NOS1: variants seen among roughly 807,000 people sequenced by gnomAD.
NOS1 encodes the protein nitric oxide synthase 1, also known as NOS type I.
In NOS1, 51 loss-of-function variants were observed where a neutral mutation model predicts 164.5. The observed-to-expected ratio is 0.31, with a 90% CI of 0.25 to 0.39. The LOEUF is 0.39. Ranked by LOEUF, NOS1 falls within the 10% of genes least tolerant of loss-of-function variation. The probability of loss-of-function intolerance (pLI) is 1.00; values close to 1 mark genes in which losing one functional copy is unlikely to be tolerated. For missense variants in NOS1, 1,362 were observed against 1,885.6 expected, an observed-to-expected ratio of 0.72 and a Z score of 5.14; for synonymous variants, 719 against 745.8, an observed-to-expected ratio of 0.96 and a Z score of 0.59.
chr12:117,329,772 C>G (rs1875436964), intron 2 of NOS1, among the ~76,000 whole-genome samples: 1 of 152,188 alleles, frequency 6.6e-6, no homozygotes, highest in Admixed American at 6.5e-5. Flanking sequence ...TTTTTAGGAA[C>G]CGGGGCCAGT....
intron 1 of NOS1, among the ~76,000 whole-genome samples, chr12:117,332,270 A>G (rs1875584929): frequency 6.6e-6 from 1 of 152,158 alleles, no homozygotes; most frequent in South Asian, 2.1e-4. Flanking sequence ...CTTAACACAT[A>G]TTTGTTATTT....
At chr12:117,320,620 C>T (rs1874869834) in intron 2 of NOS1, among the ~76,000 whole-genome samples, 1 of 152,068 alleles carries the variant, frequency 6.6e-6, no homozygotes, top group African/African-American at 2.4e-5. Context: ...TGTTATGCAG[C>T]CATAGGAAGC....
intron 1 of NOS1, among the ~76,000 whole-genome samples, chr12:117,336,521 A>T (rs79924226): frequency 0.011 from 1,619 of 152,310 alleles, 27 homozygotes; most frequent in South Asian, 0.039. Flanking sequence ...AGTAAAGTGC[A>T]CATTGACTTT....
intron 7 of NOS1, among the ~76,000 whole-genome samples, chr12:117,283,920 A>C (rs1351275691): frequency 1.3e-5 from 2 of 151,248 alleles, no homozygotes; most frequent in East Asian, 3.9e-4. Flanking sequence ...TGAGGGCCTA[A>C]TCTCGACCAG....
At chr12:117,271,600 C>A (rs1234814079) in intron 10 of NOS1, among the ~76,000 whole-genome samples, 1 of 152,146 alleles carries the variant, frequency 6.6e-6, no homozygotes, top group Non-Finnish European at 1.5e-5. Context: ...ACAGCACAAA[C>A]CTGATGCTCG....
intron 3 of NOS1, among the ~76,000 whole-genome samples, chr12:117,306,362 C>A (rs1302452483): frequency 1.3e-5 from 2 of 152,188 alleles, no homozygotes; most frequent in Non-Finnish European, 2.9e-5. Flanking sequence ...ATCTTCCTGT[C>A]CTTTCATTGT....
intron 6 of NOS1, among the ~76,000 whole-genome samples, chr12:117,285,787 G>A (rs1874074435): frequency 6.6e-6 from 1 of 152,148 alleles, no homozygotes; most frequent in Admixed American, 6.5e-5. Flanking sequence ...CAGGGAGTAG[G>A]CAGATAAATA....
Position 117,210,687 on chromosome 12 carries a change from G to A in NOS1, c.*4622C>T, listed in dbSNP as rs78784523. 1 of 985,292 alleles carries A rather than the reference G, an allele frequency of 1.0e-6. No homozygotes were observed. The highest frequency in any genetic ancestry group is 1.7e-5 in the African/African-American group (1 of 57,232). The allele number at this position is 985,292 out of a possible 1,614,324, so 61.0% of individuals were successfully genotyped here. A position where few individuals can be genotyped will look rare whatever the true frequency, so the allele number is the denominator to read the frequency against. On this transcript the variant is annotated 3_prime_UTR_variant, in exon 29 of 29. Coordinates refer to ENST00000317775, the MANE Select transcript of NOS1 (RefSeq NM_000620.5). ...ACACCTCTCACTTGTTTTGAGCTTA[G>A]GGCAAGACCTGACCTCTTTCAAAGT...
Position 117,288,214 on chromosome 12 carries a change from C to G in NOS1, c.987G>C (p.Thr329=). The G allele has an allele frequency of 1.2e-6, 2 of 1,611,774 alleles. No individual in the cohort carries two copies. The highest frequency in any genetic ancestry group is 4.5e-5 in the East Asian group (2 of 44,836). The change falls in exon 5 of 29, where the codon ACG becomes ACC. Residue 329 remains threonine, a synonymous_variant. Transcript: ENST00000317775. ...CCATGCAGATGTACTCAGTGCATCCCGTTTCCTGGAAGATCAAGAGATTTG... is the reference window on the plus strand; with the variant it reads ...CCATGCAGATGTACTCAGTGCATCCGGTTTCCTGGAAGATCAAGAGATTTG... The part of the protein sequence containing the change: ...DTLHLKSTLE[T]GCTEYICMGS...
chr12:117,337,266 C>T (rs2136081080), intron 1 of NOS1, among the ~76,000 whole-genome samples: 1 of 152,130 alleles, frequency 6.6e-6, no homozygotes, highest in African/African-American at 2.4e-5. Context: ...CAGACATGTG[C>T]TACCATGCCC....
At position 117,229,859 on chromosome 12, in the gene NOS1, G is replaced by C. The variant is rs1287358342; in HGVS notation, c.3405+2103C>G. On this transcript the variant is annotated intron_variant, in intron 22 of 28. Transcript: ENST00000317775. Reference sequence around the variant, plus strand: ...CTGCCTTGGCCTCCCAAAGTGCTGGGATCACAGGCGTGAGCCACTGTGCCC... The same window carrying C: ...CTGCCTTGGCCTCCCAAAGTGCTGGCATCACAGGCGTGAGCCACTGTGCCC... 2.0e-5 allele frequency among the ~76,000 whole-genome samples: 3 copies of C among 152,372 alleles called. No individual in the cohort carries two copies. The East Asian group carries it at 5.8e-4, about 29-fold the overall frequency.
At chr12:117,312,925 C>A (rs2136056647) in intron 2 of NOS1, among the ~76,000 whole-genome samples, 1 of 152,202 alleles carries the variant, frequency 6.6e-6, no homozygotes, top group East Asian at 1.9e-4. Context: ...ACAATCATCA[C>A]CATAGCCACC....
intron 1 of NOS1, among the ~76,000 whole-genome samples, chr12:117,355,352 T>C (rs1447494853): frequency 1.3e-5 from 2 of 152,296 alleles, no homozygotes; most frequent in East Asian, 3.9e-4. Flanking sequence ...AAATCATAAA[T>C]GCAATTGATG....
intron 14 of NOS1, among the ~76,000 whole-genome samples, chr12:117,260,134 C>CAAAAAAACA (rs571248975): frequency 3.0e-5 from 4 of 131,938 alleles, no homozygotes; most frequent in African/African-American, 1.0e-4. Context: ...AAAAAAAAAA[C>CAAAAAAACA]AAAAAACAAA....
In NOS1 at chr12:117,214,040, A is replaced by G. The variant is rs530335269; in HGVS notation, c.*1269T>C. 1.1e-5 allele frequency: 11 copies of G among 985,408 alleles called. No homozygotes were observed. The East Asian group carries it at 1.2e-3, about 112-fold the overall frequency. The allele number at this position is 985,408 out of a possible 1,614,324, so 61.0% of individuals were successfully genotyped here. A position where few individuals can be genotyped will look rare whatever the true frequency, so the allele number is the denominator to read the frequency against. ...TTGGAGATCAACTGCAGAGGGCAAC[A>G]AGCCTGAGGGACAAGTTCTTCCCAC... On this transcript the variant is annotated 3_prime_UTR_variant, in exon 29 of 29. Transcript: ENST00000317775.
At chr12:117,322,192 T>C in intron 2 of NOS1, among the ~76,000 whole-genome samples, 3 of 102,636 alleles carry the variant, frequency 2.9e-5, no homozygotes, top group Admixed American at 9.4e-5. Context: ...CTCTCCTTTC[T>C]TCCCTCTCTC....
At chr12:117,244,189 T>C (rs143051174) in intron 18 of NOS1, among the ~76,000 whole-genome samples, 158 of 152,328 alleles carry the variant, frequency 1.0e-3, no homozygotes, top group African/African-American at 3.5e-3. Context: ...TTCTTTTTTT[T>C]TTTTGGTCAA....
At chr12:117,232,161 G>A (rs1200685640) in intron 21 of NOS1, 30 bp from the exon 22 acceptor site, 1 of 1,608,300 alleles carries the variant, frequency 6.2e-7, no homozygotes, top group Admixed American at 1.7e-5. Flanking sequence ...GTGACAGGTG[G>A]GTGTGGGAGG....
chr12:117,313,381 A>G (rs1216631908), intron 2 of NOS1, among the ~76,000 whole-genome samples: 1 of 151,886 alleles, frequency 6.6e-6, no homozygotes, highest in African/African-American at 2.4e-5. Context: ...TGCAGCCTTG[A>G]CCTCCTAGGC....
Sources: allele counts gnomAD v4.1 joint callset (sites outside exome capture counted in the v4.1 genomes callset), GRCh38; gene constraint gnomAD v4.1.1; transcripts MANE v1.5; gene names NCBI Gene and HGNC (gene_info 2026-07-23, HGNC 2026-07-21).